Variants in HSPA12A observed in about 807,000 individuals in gnomAD.
HSPA12A encodes heat shock protein family A (Hsp70) member 12A, also known as heat shock 70 kDa protein 12A.
Under a neutral mutation model 69.2 loss-of-function variants are expected in HSPA12A, and 28 were observed. That is an observed-to-expected ratio of 0.40 (90% CI 0.30 to 0.55). The LOEUF is 0.55. Among genes scored for constraint, HSPA12A ranks in the 20% least tolerant of loss-of-function variants. The probability of loss-of-function intolerance (pLI) is 0.38; values close to 1 mark genes in which losing one functional copy is unlikely to be tolerated. For synonymous variants in HSPA12A, 345 were observed against 370.5 expected (o/e 0.93, Z 0.79); for missense variants, 686 against 900.7 (o/e 0.76, Z 3.05).
chr10:116,766,033 G>A (rs1174731932), intron 2 of HSPA12A, among the ~76,000 whole-genome samples: 1 of 152,112 alleles, frequency 6.6e-6, no homozygotes, highest in Non-Finnish European at 1.5e-5. Context: ...GGTCCTGTTT[G>A]ACGGCACACA....
At position 116,707,187 on chromosome 10, in the gene HSPA12A, ACACACT is replaced by A; in HGVS notation, c.126+7_126+12del. 1 of 1,567,118 alleles carries A rather than the reference ACACACT, an allele frequency of 6.4e-7. No individual in the cohort carries two copies. On this transcript the variant is annotated splice_region_variant and intron_variant, in intron 2 of 11. Coordinates refer to ENST00000369209, the MANE Select transcript of HSPA12A (RefSeq NM_025015.3). ...CACACACACACACACACACACACACACACACTTCTTACCACAATATGGGAGGGGGAC... is the reference window on the plus strand; with the variant it reads ...CACACACACACACACACACACACACATCTTACCACAATATGGGAGGGGGAC...
intron 1 of HSPA12A, among the ~76,000 whole-genome samples, chr10:116,727,934 G>C (rs1177298531): frequency 2.6e-5 from 4 of 151,236 alleles, no homozygotes; most frequent in South Asian, 2.1e-4. Flanking sequence ...ATTTTTTTGG[G>C]GGGGGGACAG....
intron 2 of HSPA12A, among the ~76,000 whole-genome samples, chr10:116,793,219 A>G (rs1407331232): frequency 2.0e-5 from 3 of 152,242 alleles, no homozygotes; most frequent in African/African-American, 7.2e-5. Context: ...GGAATAAAAA[A>G]CACTAAATAA....
At chr10:116,849,580 GCGGCGGCCGCAGCTGTGGGACCACTA>G (rs1160353990) in exon 1 of HSPA12A, 1 of 1,544,332 alleles carries the variant, frequency 6.5e-7, no homozygotes, top group South Asian at 1.2e-5. Context: ...GAGGAAGAAG[GCGGCGGCCGCAGCTGTGGGACCACTA>G]GGGAGCTGCA....
At chr10:116,766,617 G>A (rs1470743744) in intron 2 of HSPA12A, among the ~76,000 whole-genome samples, 1 of 152,058 alleles carries the variant, frequency 6.6e-6, no homozygotes, top group Non-Finnish European at 1.5e-5. Flanking sequence ...TTAACTGCCT[G>A]GAAATGACAT....
At chr10:116,836,846 G>T (rs1845721945) in intron 1 of HSPA12A, among the ~76,000 whole-genome samples, 1 of 151,826 alleles carries the variant, frequency 6.6e-6, no homozygotes, top group Non-Finnish European at 1.5e-5. Context: ...TTCAGAGAAA[G>T]AAATTCTTTT....
intron 2 of HSPA12A, among the ~76,000 whole-genome samples, chr10:116,786,855 G>C (rs1178955456): frequency 6.6e-6 from 1 of 152,028 alleles, no homozygotes; most frequent in African/African-American, 2.4e-5. Context: ...GGCCAGACTG[G>C]TCTCGAACTC....
chr10:116,712,977 A>AAATATATATATATATATATAT (rs1850482043), intron 1 of HSPA12A, among the ~76,000 whole-genome samples: 1 of 80,858 alleles, frequency 1.2e-5, no homozygotes, highest in Non-Finnish European at 2.2e-5. Context: ...TAAAAAATGC[A>AAATATATATATATATATATAT]ATATATATAT....
intron 10 of HSPA12A, among the ~76,000 whole-genome samples, 154 bp from the exon 11 acceptor site, chr10:116,676,656 T>G (rs1554877768): frequency 6.6e-6 from 1 of 152,208 alleles, no homozygotes; most frequent in Non-Finnish European, 1.5e-5. Flanking sequence ...AACCCTAAAC[T>G]GCCAGGACCT....
rs1198399911 is a variant in HSPA12A at position 116,742,441 on chromosome 10, T to G, written c.29A>C (p.Asp10Ala). Residue 10 changes from aspartate (D) to alanine (A), a missense_variant, in exon 1 of 12, where the codon GAC becomes GCC. Transcript: ENST00000369209. The part of the protein sequence containing the change: MADKEAGGS[D>A]GPRETAPTSA... ...CAGCCTGCGCTCACCTCGGGGCCCG[T>G]CGCTGCCGCCGGCCTCCTTGTCCGC... 2 of 1,411,822 alleles carry G rather than the reference T, an allele frequency of 1.4e-6. No individual in the cohort carries two copies. Among genetic ancestry groups the G allele is most frequent in the East Asian group, 3.3e-5 (1 of 30,574 alleles). 87.5% of individuals were successfully genotyped at this position (1,411,822 alleles called of 1,614,324 possible).
Position 116,671,611 on chromosome 10 carries a change from C to A in HSPA12A, c.*3170G>T, listed in dbSNP as rs1022244740. 6.6e-6 allele frequency: 1 copy of A among 152,650 alleles called. No individual in the cohort carries two copies. The highest frequency in any genetic ancestry group is 1.5e-5 in the Non-Finnish European group (1 of 68,048). The allele number at this position is 152,650 out of a possible 1,614,324, so 9.5% of individuals were successfully genotyped here. ...TAACATTCTAAGGGTAAGGCAACCTCTATAATCTGGACTCAGCCATCATTT... is the reference window on the plus strand; with the variant it reads ...TAACATTCTAAGGGTAAGGCAACCTATATAATCTGGACTCAGCCATCATTT... On this transcript the variant is annotated 3_prime_UTR_variant, in exon 12 of 12. Coordinates refer to ENST00000369209, the MANE Select transcript of HSPA12A (RefSeq NM_025015.3).
chr10:116,804,002 A>C (rs1845014016), intron 2 of HSPA12A, among the ~76,000 whole-genome samples: 1 of 152,070 alleles, frequency 6.6e-6, no homozygotes, highest in Non-Finnish European at 1.5e-5. Context: ...AAAATGTGAG[A>C]ATCTCCCCTT....
intron 1 of HSPA12A, among the ~76,000 whole-genome samples, chr10:116,716,057 C>T (rs1453614748): frequency 2.6e-5 from 4 of 152,094 alleles, no homozygotes; most frequent in Admixed American, 1.3e-4. Context: ...CTGGGATGGG[C>T]GCCAGCCAGA....
intron 2 of HSPA12A, among the ~76,000 whole-genome samples, chr10:116,784,352 C>A (rs536073808): frequency 1.3e-5 from 2 of 152,378 alleles, no homozygotes; most frequent in Admixed American, 6.5e-5. Context: ...TGAGCACTTT[C>A]CAAAGTCCAT....
chr10:116,792,259 C>CAAAAAA (rs55642476), intron 2 of HSPA12A, among the ~76,000 whole-genome samples: 3 of 60,954 alleles, frequency 4.9e-5, no homozygotes, highest in African/African-American at 1.3e-4. Flanking sequence ...AACTCGGTCT[C>CAAAAAA]AAAAAAAAAA....
chr10:116,697,513 C>A (rs1197680128), intron 5 of HSPA12A, among the ~76,000 whole-genome samples: 2 of 152,078 alleles, frequency 1.3e-5, no homozygotes, highest in Non-Finnish European at 2.9e-5. Flanking sequence ...TACTATAGAC[C>A]AAGCTCCAAG....
At chr10:116,727,963 C>A (rs1851027892) in intron 1 of HSPA12A, among the ~76,000 whole-genome samples, 1 of 151,830 alleles carries the variant, frequency 6.6e-6, no homozygotes, top group Non-Finnish European at 1.5e-5. Flanking sequence ...TCTGTCGCCA[C>A]TGCACCCAGC....
intron 1 of HSPA12A, among the ~76,000 whole-genome samples, chr10:116,836,735 T>C (rs1589733669): frequency 6.6e-6 from 1 of 151,844 alleles, no homozygotes; most frequent in Non-Finnish European, 1.5e-5. Flanking sequence ...CTATATGGTA[T>C]GATTTTAGTG....
At chr10:116,681,741 G>T in intron 8 of HSPA12A, 50 bp downstream of exon 8, 1 of 1,529,256 alleles carries the variant, frequency 6.5e-7, no homozygotes, top group Non-Finnish European at 9.0e-7. Flanking sequence ...GGCTTTTCAC[G>T]AGCAGCACAG....
Sources: allele counts gnomAD v4.1 joint callset (sites outside exome capture counted in the v4.1 genomes callset), GRCh38; gene constraint gnomAD v4.1.1; transcripts MANE v1.5; gene names NCBI Gene and HGNC (gene_info 2026-07-23, HGNC 2026-07-21).